H4C16: variants seen among roughly 807,000 people sequenced by gnomAD.
The protein encoded by H4C16 is histone H4.
At chr12:14,771,131 T>C in the H4C16 span, 2 of 1,533,672 alleles carry the variant, frequency 1.3e-6, no homozygotes, top group East Asian at 2.3e-5. Flanking sequence ...CTGCCCACTG[T>C]GATTGCCAGT....
At chr12:14,771,078 C>T in the H4C16 span, 1 of 1,590,170 alleles carries the variant, frequency 6.3e-7, no homozygotes, top group Non-Finnish European at 8.6e-7. Flanking sequence ...TTACCTCGCC[C>T]AGACATTCTG....
the H4C16 span, chr12:14,771,052 C>A: frequency 4.4e-6 from 7 of 1,608,540 alleles, no homozygotes; most frequent in Non-Finnish European, 6.0e-6. Context: ...CTCCCTTACC[C>A]AGCCCCTTGC....
At chr12:14,770,906 T>A in the H4C16 span, 5 of 1,614,074 alleles carry the variant, frequency 3.1e-6, no homozygotes, top group Non-Finnish European at 4.2e-6. Flanking sequence ...CAGGAAGACT[T>A]TGAGGACTCC....
the H4C16 span, chr12:14,771,100 C>T: frequency 1.1e-5 from 17 of 1,570,606 alleles, no homozygotes; most frequent in South Asian, 4.6e-5. Flanking sequence ...AATCACAGCG[C>T]CTACTCAGCA....
At chr12:14,771,074 C>T in the H4C16 span, 1 of 1,591,840 alleles carries the variant, frequency 6.3e-7, no homozygotes, top group Non-Finnish European at 8.6e-7. Flanking sequence ...ACCTTTACCT[C>T]GCCCAGACAT....
At chr12:14,770,727 C>T in the H4C16 span, 2 of 1,535,028 alleles carry the variant, frequency 1.3e-6, no homozygotes, top group Admixed American at 4.3e-5. Flanking sequence ...GTTTGGGGGC[C>T]CTGAAAAGGG....
chr12:14,770,991 T>G, the H4C16 span: 6 of 1,614,054 alleles, frequency 3.7e-6, no homozygotes, highest in South Asian at 6.6e-5. Flanking sequence ...ATCGCCGGCT[T>G]TGTAATGCCT....
the H4C16 span, chr12:14,770,769 C>T: frequency 6.2e-7 from 1 of 1,604,704 alleles, no homozygotes; most frequent in Non-Finnish European, 8.5e-7. Context: ...GCTGTGGGGA[C>T]AGCTCAACCG....
the H4C16 span, chr12:14,770,754 G>A: frequency 6.3e-7 from 1 of 1,594,632 alleles, no homozygotes; most frequent in Non-Finnish European, 8.5e-7. Flanking sequence ...GGAGTCTGTA[G>A]AGAAGCTGTG....
At chr12:14,770,813 A>G in the H4C16 span, 19 of 1,614,106 alleles carry the variant, frequency 1.2e-5, no homozygotes, top group Non-Finnish European at 1.4e-5. Context: ...CTGGCGTTTC[A>G]GCGCGTACAC....
the H4C16 span, chr12:14,771,024 TCC>T: frequency 6.2e-7 from 1 of 1,613,684 alleles, no homozygotes; most frequent in Non-Finnish European, 8.5e-7. Context: ...CGCAGCACCT[TCC>T]GGTGGCGCTT....
the H4C16 span, chr12:14,771,093 C>G: frequency 1.3e-6 from 2 of 1,581,590 alleles, no homozygotes; most frequent in Non-Finnish European, 1.7e-6. Context: ...ATTCTGAAAT[C>G]ACAGCGCCTA....
the H4C16 span, chr12:14,770,923 C>T: frequency 1.2e-6 from 2 of 1,614,236 alleles, no homozygotes; most frequent in Non-Finnish European, 1.7e-6. Flanking sequence ...CTCCCCGGGT[C>T]TCCTCGTAGA....
the H4C16 span, chr12:14,770,919 G>T: frequency 6.2e-7 from 1 of 1,614,188 alleles, no homozygotes; most frequent in African/African-American, 1.3e-5. Context: ...AGGACTCCCC[G>T]GGTCTCCTCG....
At chr12:14,771,032 C>A in the H4C16 span, 2 of 1,613,314 alleles carry the variant, frequency 1.2e-6, no homozygotes, top group East Asian at 4.5e-5. Flanking sequence ...CTTCCGGTGG[C>A]GCTTGGCGCC....
At chr12:14,771,118 G>A in the H4C16 span, 8 of 1,553,206 alleles carry the variant, frequency 5.2e-6, no homozygotes, top group African/African-American at 4.1e-5. Flanking sequence ...GCAGAAAATC[G>A]GGCTGCCCAC....
chr12:14,770,847 TGC>T, the H4C16 span: 1 of 1,614,212 alleles, frequency 6.2e-7, no homozygotes. Context: ...GTGACGGTCT[TGC>T]GCTTGGCGTG....
the H4C16 span, chr12:14,771,033 GCTTGGCGCCTCCCTTACCCAGCCC>G: frequency 3.3e-5 from 54 of 1,613,162 alleles, no homozygotes; most frequent in Non-Finnish European, 4.5e-5. Context: ...TTCCGGTGGC[GCTTGGCGCCTCCCTTACCCAGCCC>G]CTTGCCACCT....
the H4C16 span, chr12:14,770,774 C>G: frequency 6.2e-7 from 1 of 1,607,664 alleles, no homozygotes; most frequent in East Asian, 2.2e-5. Context: ...GGGGACAGCT[C>G]AACCGCCGAA....
Sources: allele counts gnomAD v4.1 joint callset, GRCh38; gene constraint gnomAD v4.1.1; transcripts MANE v1.5; gene names NCBI Gene and HGNC (gene_info 2026-07-23, HGNC 2026-07-21).